The following DPYSL3 variants were observed in gnomAD, a reference collection of about 807,000 sequenced individuals.
DPYSL3 encodes dihydropyrimidinase-related protein 3.
Under a neutral mutation model 66.1 loss-of-function variants are expected in DPYSL3, and 16 were observed. The ratio of observed to expected loss-of-function variants is 0.24; its 90% CI spans 0.16 to 0.37. DPYSL3 has a LOEUF of 0.37. Among genes scored for constraint, DPYSL3 ranks in the 10% least tolerant of loss-of-function variants. The probability of loss-of-function intolerance (pLI) is 1.00; values close to 1 mark genes in which losing one functional copy is unlikely to be tolerated. For synonymous variants in DPYSL3, 338 were observed against 345.1 expected (o/e 0.98, Z 0.23); for missense variants, 738 against 916.2 (o/e 0.81, Z 2.51).
chr5:147,453,743 C>G, intron 1 of DPYSL3: 2 of 1,317,146 alleles, frequency 1.5e-6, no homozygotes, highest in Non-Finnish European at 1.9e-6. Context: ...CCCTCCCGGG[C>G]TCCCGCGGCG....
chr5:147,395,827 A>T, intron 12 of DPYSL3, 106 bp from the exon 13 acceptor site: 1 of 1,278,522 alleles, frequency 7.8e-7, no homozygotes, highest in South Asian at 1.3e-5. Flanking sequence ...GGGAGCTAGG[A>T]ATTAACAATA....
intron 3 of DPYSL3, among the ~76,000 whole-genome samples, chr5:147,416,903 C>A (rs1751981799): frequency 6.6e-6 from 1 of 151,890 alleles, no homozygotes; most frequent in Admixed American, 6.6e-5. Context: ...TGGGGTAGAA[C>A]AAAAATGAAT....
chr5:147,478,288 A>T (rs1753188936), intron 1 of DPYSL3, among the ~76,000 whole-genome samples: 1 of 152,196 alleles, frequency 6.6e-6, no homozygotes, highest in Non-Finnish European at 1.5e-5. Context: ...GCATAACTAC[A>T]TCTGTAAGGG....
intron 1 of DPYSL3, among the ~76,000 whole-genome samples, chr5:147,444,958 G>C (rs752270024): frequency 5.9e-5 from 9 of 151,766 alleles, no homozygotes; most frequent in African/African-American, 1.9e-4. Context: ...CTATCTAGTT[G>C]CTGCTAATAA....
intron 1 of DPYSL3, among the ~76,000 whole-genome samples, chr5:147,479,274 G>A (rs546985917): frequency 6.6e-6 from 1 of 152,304 alleles, no homozygotes; most frequent in Admixed American, 6.5e-5. Context: ...ATAAAACACT[G>A]AGCAGGGATT....
At chr5:147,424,659 AG>A (rs1271983096) in intron 2 of DPYSL3, among the ~76,000 whole-genome samples, 7 of 152,326 alleles carry the variant, frequency 4.6e-5, no homozygotes, top group Admixed American at 4.6e-4. Context: ...CACATTTTCC[AG>A]TATCCTTAAG....
chr5:147,415,028 G>A (rs527772989), intron 4 of DPYSL3, among the ~76,000 whole-genome samples: 2 of 152,088 alleles, frequency 1.3e-5, no homozygotes, highest in Non-Finnish European at 2.9e-5. Context: ...CCTGTATGTG[G>A]GGGGGAGGGG....
At chr5:147,488,951 G>A (rs1469772824) in intron 1 of DPYSL3, among the ~76,000 whole-genome samples, 1 of 151,394 alleles carries the variant, frequency 6.6e-6, no homozygotes, top group Non-Finnish European at 1.5e-5. Flanking sequence ...GGAGGGGGAC[G>A]TTGCACTGAG....
At chr5:147,475,465 G>C (rs1325289638) in intron 1 of DPYSL3, among the ~76,000 whole-genome samples, 1 of 152,062 alleles carries the variant, frequency 6.6e-6, no homozygotes, top group African/African-American at 2.4e-5. Flanking sequence ...ACCCAGAACC[G>C]AATGCTGGCA....
At position 147,393,628 on chromosome 5, in the gene DPYSL3, T is replaced by C. The variant is rs1757880260; in HGVS notation, c.*407A>G. The C allele has an allele frequency of 5.4e-6, 1 of 184,594 alleles. No homozygotes were observed. The highest frequency in any genetic ancestry group is 1.1e-5 in the Non-Finnish European group (1 of 88,664). The allele number at this position is 184,594 out of a possible 1,614,324, so 11.4% of individuals were successfully genotyped here. On this transcript the variant is annotated 3_prime_UTR_variant, in exon 14 of 14. Transcript: ENST00000343218. Reference sequence around the variant, plus strand: ...CCCCAGCCCCTCTGCACCCTCCACCTTGCTCCAGGCTCCCACCACCCACTC... The same window carrying C: ...CCCCAGCCCCTCTGCACCCTCCACCCTGCTCCAGGCTCCCACCACCCACTC...
At chr5:147,465,519 C>T (rs1267186305) in intron 1 of DPYSL3, among the ~76,000 whole-genome samples, 1 of 152,136 alleles carries the variant, frequency 6.6e-6, no homozygotes, top group Non-Finnish European at 1.5e-5. Flanking sequence ...AGGGTGGTCT[C>T]AAGCCCCTGA....
At chr5:147,489,618 A>G (rs1381706464) in intron 1 of DPYSL3, among the ~76,000 whole-genome samples, 2 of 152,220 alleles carry the variant, frequency 1.3e-5, no homozygotes, top group Non-Finnish European at 2.9e-5. Flanking sequence ...TTTGTGCCTC[A>G]AACTCAGAGA....
At chr5:147,401,815 G>C in intron 8 of DPYSL3, 119 bp from the exon 9 acceptor site, 1 of 1,255,174 alleles carries the variant, frequency 8.0e-7, no homozygotes. Context: ...AGACTGACCT[G>C]GGTTCAAGTC....
chr5:147,505,121 T>C (rs1473505672), intron 1 of DPYSL3, among the ~76,000 whole-genome samples: 1 of 152,202 alleles, frequency 6.6e-6, no homozygotes, highest in African/African-American at 2.4e-5. Flanking sequence ...TTTAGTAACA[T>C]GAATGCCTAT....
chr5:147,410,744 C>T (rs3792845), intron 6 of DPYSL3, among the ~76,000 whole-genome samples: 5,081 of 152,274 alleles, frequency 0.033, 232 homozygotes, highest in East Asian at 0.19. Flanking sequence ...CTCTCATATA[C>T]TCACTTTTGA....
Position 147,492,541 on chromosome 5 carries a change from A to C in DPYSL3, c.381+16937T>G, listed in dbSNP as rs1753431410. ...ATACAAGAGATAGGAGAAAATAATT[A>C]GGAATATTATCATTATAAAGTACTT... On this transcript the variant is annotated intron_variant, in intron 1 of 13. Coordinates refer to ENST00000343218, the MANE Select transcript of DPYSL3 (RefSeq NM_001197294.2). Among the ~76,000 whole-genome samples, 3 of 152,264 alleles carry C rather than the reference A, an allele frequency of 2.0e-5. No homozygotes were observed. In the South Asian group the frequency reaches 6.2e-4, roughly 32 times the overall value.
chr5:147,422,845 G>A (rs997830103), intron 2 of DPYSL3, among the ~76,000 whole-genome samples: 7 of 151,900 alleles, frequency 4.6e-5, no homozygotes, highest in Non-Finnish European at 1.0e-4. Flanking sequence ...CAAACACCAG[G>A]GCCTGTTGGG....
chr5:147,430,402 T>C (rs984976079), intron 1 of DPYSL3, among the ~76,000 whole-genome samples: 24 of 149,144 alleles, frequency 1.6e-4, no homozygotes, highest in African/African-American at 5.4e-4. Context: ...CCCAGCTACT[T>C]GGGAGGTTGA....
At chr5:147,421,079 C>G (rs1321250305) in intron 2 of DPYSL3, among the ~76,000 whole-genome samples, 2 of 152,196 alleles carry the variant, frequency 1.3e-5, no homozygotes, top group African/African-American at 4.8e-5. Context: ...CAAATAGTCT[C>G]TGTTTGCAGA....
Sources: allele counts gnomAD v4.1 joint callset (sites outside exome capture counted in the v4.1 genomes callset), GRCh38; gene constraint gnomAD v4.1.1; transcripts MANE v1.5; gene names NCBI Gene and HGNC (gene_info 2026-07-23, HGNC 2026-07-21).